The following DLK2 variants were observed in gnomAD, a reference collection of about 807,000 sequenced individuals.
The protein encoded by DLK2 is protein delta homolog 2.
A neutral mutation model predicts 31.3 loss-of-function variants in DLK2; 9 were observed. That is an observed-to-expected ratio of 0.29 (90% CI 0.17 to 0.50). DLK2 has a LOEUF of 0.50. Among genes scored for constraint, DLK2 ranks in the 20% least tolerant of loss-of-function variants. The probability of loss-of-function intolerance (pLI) is 0.98; values close to 1 mark genes in which losing one functional copy is unlikely to be tolerated. For missense variants in DLK2, 387 were observed against 526.1 expected (o/e 0.74, Z 2.59); for synonymous variants, 169 against 201.2 (o/e 0.84, Z 1.35).
Position 43,451,034 on chromosome 6 carries a change from G to A in DLK2, c.657C>T (p.Arg219=). The change falls in exon 6 of 6, where the codon CGC becomes CGT. Residue 219 remains arginine, a synonymous_variant. Coordinates refer to ENST00000372488, the MANE Select transcript of DLK2 (RefSeq NM_023932.4). The surrounding 1 kb of genome is among the most constrained non-coding windows in gnomAD (Gnocchi z 4.4). The part of the protein sequence containing the change: ...CTINLDDCAS[R]PCQRGARCRD... ...GACAGCGGGCCCCTCTCTGGCATGG[G>A]CGGCTGGCACAGTCATCCAGGTTGA... is the stretch of plus-strand genomic sequence containing the variant. 6.2e-7 allele frequency: 1 copy of A among 1,614,240 alleles called. No homozygotes were observed. The highest frequency in any genetic ancestry group is 8.5e-7 in the Non-Finnish European group (1 of 1,180,036).
At position 43,451,374 on chromosome 6, in the gene DLK2, C is replaced by G. The variant is rs1581811465; in HGVS notation, c.417-100G>C. 5 of 1,425,758 alleles carry G rather than the reference C, an allele frequency of 3.5e-6. No individual in the cohort carries two copies. In the East Asian group the frequency reaches 1.2e-4, roughly 34 times the overall value. 88.3% of individuals were successfully genotyped at this position (1,425,758 alleles called of 1,614,324 possible). A position where few individuals can be genotyped will look rare whatever the true frequency, so the allele number is the denominator to read the frequency against. On this transcript the variant is annotated intron_variant, in intron 5 of 5. Coordinates refer to ENST00000372488, the MANE Select transcript of DLK2 (RefSeq NM_023932.4). This position sits in a 1 kb window ranked among gnomAD's most constrained non-coding sequence, Gnocchi z 4.4. ...CCACTGCCCGCCATGTCATCTTGGG[C>G]TACACACTCCGAGCCTCAAATACCT...
Position 43,451,835 on chromosome 6 carries a change from G to A in DLK2, c.416+105C>T. On this transcript the variant is annotated intron_variant, in intron 5 of 5. Transcript: ENST00000372488. This position sits in a 1 kb window ranked among gnomAD's most constrained non-coding sequence, Gnocchi z 4.4. ...GTTTTATCTGAGTGTCCCCGTGTGG[G>A]TCTGACTCTCAGTCCCCCACCCTCC... The A allele has an allele frequency of 2.0e-6, 3 of 1,501,382 alleles. No individual in the cohort carries two copies. Among genetic ancestry groups the A allele is most frequent in the South Asian group, 2.7e-5 (2 of 74,502 alleles). The allele number at this position is 1,501,382 out of a possible 1,614,324, so 93.0% of individuals were successfully genotyped here.
At chr6:43,456,491 G>C (rs1056494543), upstream of DLK2, 2 of 152,166 alleles carry the variant, frequency 1.3e-5, no homozygotes, top group African/African-American at 4.8e-5. Context: ...TGAGGCGGGC[G>C]GATCACCTGA....
rs780473767 is a variant in DLK2, at chr6:43,452,019, C to T, written c.337G>A (p.Gly113Ser). 6.2e-6 allele frequency: 10 copies of T among 1,614,108 alleles called. No homozygotes were observed. The highest frequency in any genetic ancestry group is 1.7e-5 in the Admixed American group (1 of 60,014). The change falls in exon 5 of 6, where the codon GGT becomes AGT. Residue 113 changes from glycine (G) to serine (S), a missense_variant. Physicochemically the swap from Gly to Ser is moderately conservative, Grantham distance 56. Coordinates refer to ENST00000372488, the MANE Select transcript of DLK2 (RefSeq NM_023932.4). Reference sequence around the variant, plus strand: ...GGTAAGCACACACAATGGTACTCACCGCCCCCGTCATACATGCACTGGCCT... The same window carrying T: ...GGTAAGCACACACAATGGTACTCACTGCCCCCGTCATACATGCACTGGCCT... ...NGGQCMYDGGGEYHCVCLPGF... is the reference protein window; with the variant it reads ...NGGQCMYDGGSEYHCVCLPGF...
rs1783756055 is a variant in DLK2, at chr6:43,451,767, AAAG to A, written c.416+170_416+172del. Among the ~76,000 whole-genome samples, 1 of 152,164 alleles carries A rather than the reference AAAG, an allele frequency of 6.6e-6. No individual in the cohort carries two copies. The highest frequency in any genetic ancestry group is 1.5e-5 in the Non-Finnish European group (1 of 68,022). ...AAATGGCTCAGAAGGTACAAAAAAA[AAAG>A]TTGAGAAACCCTGAACTAGGAACAC... On this transcript the variant is annotated intron_variant, in intron 5 of 5. Coordinates refer to ENST00000372488, the MANE Select transcript of DLK2 (RefSeq NM_023932.4). The surrounding 1 kb of genome is among the most constrained non-coding windows in gnomAD (Gnocchi z 4.4).
chr6:43,454,854 C>T lies in DLK2; in HGVS notation c.-29G>A. On this transcript the variant is annotated 5_prime_UTR_variant, in exon 2 of 6. Coordinates refer to ENST00000372488, the MANE Select transcript of DLK2 (RefSeq NM_023932.4). ...CAGCGCCGGCCCCAGGAGGGACGGA[C>T]GGATGGACGGCCGGACGCGTGGACA... 2.0e-6 allele frequency: 3 copies of T among 1,537,182 alleles called. No homozygotes were observed. The highest frequency in any genetic ancestry group is 2.6e-6 in the Non-Finnish European group (3 of 1,147,320).
rs774151949 is a variant in DLK2 at position 43,452,998 on chromosome 6, C to G, written c.271+7G>C. 2.5e-6 allele frequency: 4 copies of G among 1,614,082 alleles called. No individual in the cohort carries two copies. The Admixed American group carries it at 5.0e-5, about 20-fold the overall frequency. The stretch of plus-strand genomic sequence containing the variant: ...CCCAACCAAAAGCTACCCTTCCTCC[C>G]CCCTACCTTTGTCACAGAACTTGCC... On this transcript the variant is annotated splice_region_variant and intron_variant, in intron 4 of 5. Coordinates refer to ENST00000372488, the MANE Select transcript of DLK2 (RefSeq NM_023932.4).
chr6:43,455,175 G>A (rs985495200), intron 1 of DLK2: 2 of 827,288 alleles, frequency 2.4e-6, no homozygotes, highest in Non-Finnish European at 2.9e-6. Context: ...TCCGCGGGAT[G>A]GGGACAGCGC....
rs1430128069 is a variant in DLK2, at chr6:43,450,796, C to T, written c.895G>A (p.Glu299Lys). ...ISVKEVVRRQ[E>K]AGLGEPSLVA... Reference sequence around the variant, plus strand: ...AAGCTAGGCTCACCTAGCCCAGCCTCTTGCCTCCGCACCACCTCCTTCACT... The same window carrying T: ...AAGCTAGGCTCACCTAGCCCAGCCTTTTGCCTCCGCACCACCTCCTTCACT... Residue 299 changes from glutamate to lysine, a missense_variant, in exon 6 of 6, where the codon GAG (glutamate) becomes AAG (lysine). Transcript: ENST00000372488. The surrounding 1 kb of genome is among the most constrained non-coding windows in gnomAD (Gnocchi z 4.5). 2 of 1,614,118 alleles carry T rather than the reference C, an allele frequency of 1.2e-6. No homozygotes were observed. Among genetic ancestry groups the T allele is most frequent in the South Asian group, 1.1e-5 (1 of 91,092 alleles).
chr6:43,455,660 G>A (rs1430874085), upstream of DLK2: 2 of 110,878 alleles, frequency 1.8e-5, no homozygotes, highest in African/African-American at 3.4e-5. Context: ...GCGACGCACG[G>A]CGCACACCTA....
In DLK2 at chr6:43,451,848, T is replaced by C; in HGVS notation, c.416+92A>G. ...GTCCCCGTGTGGGTCTGACTCTCAG[T>C]CCCCCACCCTCCCAACAGTCCTGCC... On this transcript the variant is annotated intron_variant, in intron 5 of 5. Transcript: ENST00000372488. This position sits in a 1 kb window ranked among gnomAD's most constrained non-coding sequence, Gnocchi z 4.4. 5 of 1,525,268 alleles carry C rather than the reference T, an allele frequency of 3.3e-6. No individual in the cohort carries two copies. The South Asian group carries it at 5.2e-5, about 16-fold the overall frequency. The allele number at this position is 1,525,268 out of a possible 1,614,324, so 94.5% of individuals were successfully genotyped here. A position where few individuals can be genotyped will look rare whatever the true frequency, so the allele number is the denominator to read the frequency against.
intron 1 of DLK2, 186 bp from the exon 2 acceptor site, chr6:43,455,066 C>G (rs1207556493): frequency 1.0e-6 from 1 of 985,008 alleles, no homozygotes; most frequent in Non-Finnish European, 1.2e-6. Context: ...AAGACAGGAA[C>G]CCGGGAGCGG....
intron 2 of DLK2, 42 bp downstream of exon 2, chr6:43,454,708 G>C (rs1262979361): frequency 2.6e-6 from 4 of 1,536,600 alleles, no homozygotes; most frequent in African/African-American, 1.4e-5. Context: ...AAGCGAGGAC[G>C]GCTGGACAGG....
At position 43,450,847 on chromosome 6, in the gene DLK2, C is replaced by T. The variant is rs561057753; in HGVS notation, c.844G>A (p.Ala282Thr). The change falls in exon 6 of 6, where the codon GCA becomes ACA. Residue 282 changes from alanine (A) to threonine (T), a missense_variant. By Grantham distance (58) the Ala-to-Thr change is moderately conservative (BLOSUM62 0). Coordinates refer to ENST00000372488, the MANE Select transcript of DLK2 (RefSeq NM_023932.4). This position sits in a 1 kb window ranked among gnomAD's most constrained non-coding sequence, Gnocchi z 4.5. ...GAGATCCGCAGCAGACCAGCCCCTG[C>T]GCTGTGGGGGGCTGGCCCCGTGGCA... is the stretch of plus-strand genomic sequence containing the variant. ...VPATGPAPHS[A>T]GAGLLRISVK... 1.8e-5 allele frequency: 29 copies of T among 1,614,156 alleles called. No individual in the cohort carries two copies. The South Asian group carries it at 2.3e-4, about 13-fold the overall frequency.
rs1783721389 is a variant in DLK2, at chr6:43,451,344, C to T, written c.417-70G>A. 1.3e-6 allele frequency: 2 copies of T among 1,529,592 alleles called. No homozygotes were observed. Among genetic ancestry groups the T allele is most frequent in the Non-Finnish European group, 1.8e-6 (2 of 1,134,380 alleles). The allele number at this position is 1,529,592 out of a possible 1,614,324, so 94.8% of individuals were successfully genotyped here. A position where few individuals can be genotyped will look rare whatever the true frequency, so the allele number is the denominator to read the frequency against. ...CCTGTAGGGCAGCCCAGGTCAGTAT[C>T]CTGACCACTGCCCGCCATGTCATCT... On this transcript the variant is annotated intron_variant, in intron 5 of 5. Transcript: ENST00000372488. This position sits in a 1 kb window ranked among gnomAD's most constrained non-coding sequence, Gnocchi z 4.4.
intron 1 of DLK2, 78 bp from the exon 2 acceptor site, chr6:43,454,958 G>A: frequency 6.8e-7 from 1 of 1,460,684 alleles, no homozygotes; most frequent in Non-Finnish European, 9.0e-7. Flanking sequence ...GACAGGAGCC[G>A]ACGAGGGAGA....
upstream of DLK2, chr6:43,455,927 C>T (rs146072930): frequency 9.2e-5 from 14 of 152,718 alleles, no homozygotes; most frequent in Non-Finnish European, 2.1e-4. Context: ...CGCAGGCAAT[C>T]GCTCCCCGCC....
intron 1 of DLK2, 200 bp from the exon 2 acceptor site, chr6:43,455,080 C>T: frequency 1.0e-6 from 1 of 985,012 alleles, no homozygotes; most frequent in Non-Finnish European, 1.2e-6. Flanking sequence ...GGAGCGGGGT[C>T]TGCAAGGAGG....
chr6:43,454,494 G>A lies in DLK2; in HGVS notation c.77-20C>T, dbSNP rs2127424314. On this transcript the variant is annotated intron_variant, in intron 2 of 5. Transcript: ENST00000372488. ...CATCGGCTGCAAGAGATTGATGTGG[G>A]AGGGGTGAGTCTGAGTCAGGGCACA... 6.3e-7 allele frequency: 1 copy of A among 1,581,028 alleles called. No individual in the cohort carries two copies. Among genetic ancestry groups the A allele is most frequent in the Non-Finnish European group, 8.6e-7 (1 of 1,164,502 alleles).
Sources: allele counts gnomAD v4.1 joint callset (sites outside exome capture counted in the v4.1 genomes callset), GRCh38; gene constraint gnomAD v4.1.1; non-coding constraint Gnocchi (gnomAD v3.1); transcripts MANE v1.5; gene names NCBI Gene and HGNC (gene_info 2026-07-23, HGNC 2026-07-21).